Variants in CHST11 observed in about 807,000 individuals in gnomAD.
CHST11 encodes the protein carbohydrate sulfotransferase 11.
Under a neutral mutation model 30.4 loss-of-function variants are expected in CHST11, and 9 were observed. The ratio of observed to expected loss-of-function variants is 0.30; its 90% confidence interval spans 0.18 to 0.52. The LOEUF (loss-of-function observed/expected upper bound fraction) is 0.52. Among genes scored for constraint, CHST11 ranks in the 20% least tolerant of loss-of-function variants. The probability of loss-of-function intolerance (pLI) is 0.97; values close to 1 mark genes in which losing one functional copy is unlikely to be tolerated. For missense variants in CHST11, 348 were observed against 460.6 expected, an observed-to-expected ratio of 0.76 and a Z score of 2.24; for synonymous variants, 152 against 187.8, an observed-to-expected ratio of 0.81 and a Z score of 1.56.
intron 1 of CHST11, among the ~76,000 whole-genome samples, chr12:104,599,692 G>A (rs138000874): frequency 2.0e-5 from 3 of 152,198 alleles, no homozygotes; most frequent in African/African-American, 7.2e-5. Context: ...ATTTGCCTGC[G>A]ATTCCCTCCT....
At chr12:104,612,122 C>T (rs11112134) in intron 2 of CHST11, among the ~76,000 whole-genome samples, 8,594 of 152,214 alleles carry the variant, frequency 0.056, 286 homozygotes, top group East Asian at 0.11. Flanking sequence ...GGAATTCCCT[C>T]ACACCCCAGC....
intron 1 of CHST11, among the ~76,000 whole-genome samples, chr12:104,474,768 G>A (rs1192797809): frequency 2.6e-5 from 4 of 152,344 alleles, no homozygotes; most frequent in African/African-American, 7.2e-5. Context: ...GGGCATCAGG[G>A]ATCTTGGGTT....
intron 1 of CHST11, among the ~76,000 whole-genome samples, chr12:104,518,962 CTTTT>C (rs890259621): frequency 7.7e-6 from 1 of 129,758 alleles, no homozygotes; most frequent in Non-Finnish European, 1.6e-5. Context: ...TTTTCTTTTT[CTTTT>C]TTTCTTTCTT....
At chr12:104,732,386 T>C (rs2040264915) in intron 2 of CHST11, among the ~76,000 whole-genome samples, 1 of 152,192 alleles carries the variant, frequency 6.6e-6, no homozygotes, top group Non-Finnish European at 1.5e-5. Flanking sequence ...AAAGCTAGAC[T>C]CAGTGGCTGG....
chr12:104,553,904 G>A (rs140941465), intron 1 of CHST11, among the ~76,000 whole-genome samples: 76 of 152,226 alleles, frequency 5.0e-4, no homozygotes, highest in African/African-American at 1.8e-3. Context: ...TTTGCCTTAG[G>A]GTCTCTCTCT....
intron 1 of CHST11, among the ~76,000 whole-genome samples, chr12:104,510,438 C>A (rs1304971588): frequency 6.6e-6 from 1 of 152,128 alleles, no homozygotes; most frequent in Non-Finnish European, 1.5e-5. Flanking sequence ...TTCTTAGAAC[C>A]CAGTTCATTT....
In CHST11 at chr12:104,696,516, G is replaced by C. The variant is rs1360660151; in HGVS notation, c.205-60433G>C. ...AAAAAAAAAAAAAAAAACATAGCTGGGCGTGGTGGTGCACACCTGTACACC... is the reference window on the plus strand; with the variant it reads ...AAAAAAAAAAAAAAAAACATAGCTGCGCGTGGTGGTGCACACCTGTACACC... On this transcript the variant is annotated intron_variant, in intron 2 of 2. Coordinates refer to ENST00000303694, the MANE Select transcript of CHST11 (RefSeq NM_018413.6). 2.0e-5 allele frequency among the ~76,000 whole-genome samples: 3 copies of C among 147,550 alleles called. No individual in the cohort carries two copies. The East Asian group carries it at 5.9e-4, about 29-fold the overall frequency.
intron 2 of CHST11, among the ~76,000 whole-genome samples, chr12:104,634,179 A>G (rs2039300031): frequency 6.6e-6 from 1 of 152,132 alleles, no homozygotes; most frequent in Non-Finnish European, 1.5e-5. Context: ...TGTCTTCTCC[A>G]CTAGACTGGA....
At chr12:104,733,882 G>A (rs955290167) in intron 2 of CHST11, among the ~76,000 whole-genome samples, 31 of 152,242 alleles carry the variant, frequency 2.0e-4, no homozygotes, top group Non-Finnish European at 4.1e-4. Flanking sequence ...TCTTTGAAAA[G>A]CCAGCGGGGG....
In CHST11 at chr12:104,757,353, G is replaced by A. The variant is rs1190912341; in HGVS notation, c.609G>A (p.Lys203=). The A allele has an allele frequency of 1.2e-6, 2 of 1,614,152 alleles. No homozygotes were observed. The highest frequency in any genetic ancestry group is 2.2e-5 in the East Asian group (1 of 44,870). ...CCTACCGCAACAAGTTCACCCAGAA[G>A]TACAACATCTCCTTCCACAAGCGGT... is the stretch of plus-strand genomic sequence containing the variant. ...VSAYRNKFTQ[K]YNISFHKRYG... is the part of the protein sequence containing the mutation. The change falls in exon 3 of 3, where the codon AAG becomes AAA. Residue 203 remains lysine (K), a synonymous_variant. Coordinates refer to ENST00000303694, the MANE Select transcript of CHST11 (RefSeq NM_018413.6). This position sits in a 1 kb window ranked among gnomAD's most constrained non-coding sequence, Gnocchi z 6.5.
At chr12:104,628,234 C>T (rs940869579) in intron 2 of CHST11, among the ~76,000 whole-genome samples, 2 of 152,162 alleles carry the variant, frequency 1.3e-5, no homozygotes, top group Non-Finnish European at 2.9e-5. Context: ...CTGCTTAATC[C>T]CAACGGTCCC....
At chr12:104,594,824 G>A (rs1180425790) in intron 1 of CHST11, among the ~76,000 whole-genome samples, 5 of 152,182 alleles carry the variant, frequency 3.3e-5, no homozygotes, top group Non-Finnish European at 7.4e-5. Context: ...GGGCATGGTG[G>A]CATATGTCTG....
At chr12:104,692,962 A>G (rs2039911256) in intron 2 of CHST11, among the ~76,000 whole-genome samples, 2 of 151,546 alleles carry the variant, frequency 1.3e-5, no homozygotes, top group Admixed American at 6.6e-5. Context: ...CTTAAACCAC[A>G]GAAATTTATT....
chr12:104,730,950 A>G (rs538842725), intron 2 of CHST11, among the ~76,000 whole-genome samples: 2 of 152,166 alleles, frequency 1.3e-5, no homozygotes, highest in African/African-American at 4.8e-5. Context: ...AGCTGCCTCA[A>G]TGTCAAAGCC....
intron 1 of CHST11, among the ~76,000 whole-genome samples, chr12:104,466,754 A>AGG (rs2037463879): frequency 6.6e-6 from 1 of 152,220 alleles, no homozygotes; most frequent in Non-Finnish European, 1.5e-5. Context: ...ATCCCTCAAT[A>AGG]TATTTTGTTT....
chr12:104,544,138 A>AAAAAGAAAG (rs1555231335), intron 1 of CHST11, among the ~76,000 whole-genome samples: 15 of 71,726 alleles, frequency 2.1e-4, no homozygotes, highest in Admixed American at 5.0e-4. Context: ...AAAAAAAAAA[A>AAAAAGAAAG]AAAGAAAGAA....
chr12:104,576,925 G>A (rs914650639), intron 1 of CHST11, among the ~76,000 whole-genome samples: 8 of 152,128 alleles, frequency 5.3e-5, no homozygotes, highest in Admixed American at 3.3e-4. Context: ...AGGCCATGTC[G>A]GGTGGGGACA....
intron 2 of CHST11, among the ~76,000 whole-genome samples, chr12:104,617,910 C>CTT (rs112111398): frequency 1.4e-5 from 2 of 146,506 alleles, no homozygotes; most frequent in African/African-American, 5.0e-5. Flanking sequence ...TTCCTTTTTC[C>CTT]TTTTTTTTTT....
chr12:104,589,203 A>G (rs1008478193), intron 1 of CHST11, among the ~76,000 whole-genome samples: 2 of 151,892 alleles, frequency 1.3e-5, no homozygotes, highest in Non-Finnish European at 2.9e-5. Flanking sequence ...AATTCAAGGC[A>G]AGCCTGGGCA....
Sources: allele counts gnomAD v4.1 joint callset (sites outside exome capture counted in the v4.1 genomes callset), GRCh38; gene constraint gnomAD v4.1.1; non-coding constraint Gnocchi (gnomAD v3.1); transcripts MANE v1.5; gene names NCBI Gene and HGNC (gene_info 2026-07-23, HGNC 2026-07-21).